The following MBOAT2 variants were observed in gnomAD, a reference collection of about 807,000 sequenced individuals.
The protein encoded by MBOAT2 is membrane-bound glycerophospholipid O-acyltransferase 2.
In MBOAT2, 28 loss-of-function variants were observed where a neutral mutation model predicts 63.4. The observed-to-expected ratio is 0.44, with a 90% confidence interval of 0.33 to 0.61. The LOEUF is 0.61. Ranked by LOEUF, MBOAT2 falls within the 20% of genes least tolerant of loss-of-function variation. The pLI, the probability that MBOAT2 is intolerant of heterozygous loss-of-function variation, is 0.03. For synonymous variants in MBOAT2, 211 were observed against 215.6 expected, an observed-to-expected ratio of 0.98 and a Z score of 0.19; for missense variants, 470 against 605.8, an observed-to-expected ratio of 0.78 and a Z score of 2.35.
intron 3 of MBOAT2, among the ~76,000 whole-genome samples, chr2:8,932,378 A>G (rs79543579): frequency 4.1e-4 from 62 of 152,350 alleles, no homozygotes; most frequent in Non-Finnish European, 5.6e-4. Context: ...ATATTTTTAA[A>G]GACTCCCAAT....
chr2:8,904,767 A>G (rs770177704), intron 4 of MBOAT2, among the ~76,000 whole-genome samples: 9 of 152,110 alleles, frequency 5.9e-5, no homozygotes, highest in Non-Finnish European at 1.3e-4. Flanking sequence ...CTTTTGAAAT[A>G]GGATCCTTTT....
intron 3 of MBOAT2, among the ~76,000 whole-genome samples, chr2:8,909,883 T>C (rs185287498): frequency 6.6e-6 from 1 of 152,300 alleles, no homozygotes; most frequent in African/African-American, 2.4e-5. Context: ...CCCAAAACAG[T>C]ATCTCCCATT....
chr2:8,903,204 C>A (rs1399473245), intron 4 of MBOAT2, among the ~76,000 whole-genome samples: 1 of 152,212 alleles, frequency 6.6e-6, no homozygotes, highest in Admixed American at 6.5e-5. Flanking sequence ...CAGAAAAGTT[C>A]TCCAAGTCCC....
chr2:8,963,287 C>T (rs544340284), intron 1 of MBOAT2, among the ~76,000 whole-genome samples: 31 of 151,912 alleles, frequency 2.0e-4, no homozygotes, highest in African/African-American at 6.5e-4. Context: ...AAAACTAACC[C>T]GAAAGTCACA....
At chr2:8,946,828 C>T (rs953907565) in intron 2 of MBOAT2, among the ~76,000 whole-genome samples, 7 of 152,280 alleles carry the variant, frequency 4.6e-5, no homozygotes, top group Non-Finnish European at 8.8e-5. Context: ...TGTCTCTCTC[C>T]CTCTCCTGAG....
intron 4 of MBOAT2, among the ~76,000 whole-genome samples, chr2:8,895,029 A>T (rs1664333055): frequency 6.6e-6 from 1 of 152,254 alleles, no homozygotes; most frequent in South Asian, 2.1e-4. Context: ...GTAAAGCTGC[A>T]GACCTTCATG....
intron 9 of MBOAT2, among the ~76,000 whole-genome samples, chr2:8,864,925 CTTA>C (rs917768303): frequency 9.9e-5 from 15 of 152,196 alleles, no homozygotes; most frequent in Non-Finnish European, 2.2e-4. Flanking sequence ...AATTACTACT[CTTA>C]TGTCAGAATC....
chr2:8,864,144 T>G, intron 10 of MBOAT2, 26 bp downstream of exon 10: 1 of 1,524,518 alleles, frequency 6.6e-7, no homozygotes, highest in Non-Finnish European at 8.8e-7. Context: ...AAAGCACATC[T>G]AAAGATCGTT....
intron 2 of MBOAT2, among the ~76,000 whole-genome samples, chr2:8,953,561 C>A (rs1668991123): frequency 6.6e-6 from 1 of 152,186 alleles, no homozygotes; most frequent in Non-Finnish European, 1.5e-5. Flanking sequence ...CTCCTTCTCT[C>A]TCAGGAATGC....
intron 9 of MBOAT2, 82 bp downstream of exon 9, chr2:8,868,364 C>T (rs1353347464): frequency 2.6e-6 from 3 of 1,172,226 alleles, no homozygotes; most frequent in Non-Finnish European, 3.7e-6. Context: ...AATACCACTC[C>T]TAGGACATCA....
At chr2:8,986,635 T>C (rs1671591536) in intron 1 of MBOAT2, among the ~76,000 whole-genome samples, 1 of 152,018 alleles carries the variant, frequency 6.6e-6, no homozygotes, top group African/African-American at 2.4e-5. Flanking sequence ...AGACTGAATG[T>C]CTGTTTCCCC....
In MBOAT2 at chr2:8,853,202, T is replaced by G. The variant is rs918070318; in HGVS notation, c.*5477A>C. Reference sequence around the variant, plus strand: ...ATGATTTACTTTCATTCCTATGGCCTTCTATCGTGCCCCTTCTGGTTCAGA... The same window carrying G: ...ATGATTTACTTTCATTCCTATGGCCGTCTATCGTGCCCCTTCTGGTTCAGA... On this transcript the variant is annotated 3_prime_UTR_variant, in exon 13 of 13. Coordinates refer to ENST00000305997, the MANE Select transcript of MBOAT2 (RefSeq NM_138799.4). 6.6e-6 allele frequency: 1 copy of G among 152,196 alleles called. No homozygotes were observed. Among genetic ancestry groups the G allele is most frequent in the African/African-American group, 2.4e-5 (1 of 41,442 alleles). The allele number at this position is 152,196 out of a possible 1,614,324, so 9.4% of individuals were successfully genotyped here.
intron 1 of MBOAT2, among the ~76,000 whole-genome samples, chr2:8,963,237 C>CAA (rs527484642): frequency 1.1e-5 from 1 of 93,540 alleles, no homozygotes; most frequent in African/African-American, 4.2e-5. Flanking sequence ...GAGCCTGTCT[C>CAA]AAAAAAAAAA....
intron 1 of MBOAT2, among the ~76,000 whole-genome samples, chr2:8,977,352 A>G (rs1045312580): frequency 1.3e-5 from 2 of 152,170 alleles, no homozygotes; most frequent in African/African-American, 4.8e-5. Context: ...TTTGTGGACA[A>G]GCAATTGTGG....
At chr2:8,976,940 G>C (rs1253079914) in intron 1 of MBOAT2, among the ~76,000 whole-genome samples, 1 of 152,126 alleles carries the variant, frequency 6.6e-6, no homozygotes, top group African/African-American at 2.4e-5. Flanking sequence ...AAAGAGAGAA[G>C]AGTGCCTACT....
intron 6 of MBOAT2, 151 bp downstream of exon 6, chr2:8,882,360 T>A: frequency 2.7e-6 from 2 of 740,180 alleles, no homozygotes; most frequent in South Asian, 3.8e-5. Context: ...CCCAGCAGGC[T>A]TTGGCAGGAG....
intron 4 of MBOAT2, among the ~76,000 whole-genome samples, chr2:8,904,025 G>A (rs931091577): frequency 8.6e-5 from 13 of 151,858 alleles, no homozygotes; most frequent in African/African-American, 2.9e-4. Flanking sequence ...CGCCCAGGCT[G>A]GAGTGCAGTG....
intron 6 of MBOAT2, among the ~76,000 whole-genome samples, chr2:8,881,087 G>A (rs545744352): frequency 6.6e-6 from 1 of 152,312 alleles, no homozygotes; most frequent in East Asian, 1.9e-4. Context: ...TGAGTGAACA[G>A]GCAGGAGTAA....
At chr2:8,970,184 T>G (rs1448545732) in intron 1 of MBOAT2, among the ~76,000 whole-genome samples, 1 of 152,206 alleles carries the variant, frequency 6.6e-6, no homozygotes, top group East Asian at 1.9e-4. Flanking sequence ...CAGACCACAG[T>G]GCAATCAAAC....
Sources: allele counts gnomAD v4.1 joint callset (sites outside exome capture counted in the v4.1 genomes callset), GRCh38; gene constraint gnomAD v4.1.1; transcripts MANE v1.5; gene names NCBI Gene and HGNC (gene_info 2026-07-23, HGNC 2026-07-21).